The following FHDC1 variants were observed in gnomAD, a reference collection of about 807,000 sequenced individuals.
The protein encoded by FHDC1 is FH2 domain containing 1, also known as FH2 domain-containing protein 1.
FHDC1 carries 25 observed loss-of-function variants against 52.6 expected under a neutral mutation model. The ratio of observed to expected loss-of-function variants is 0.48; its 90% CI spans 0.35 to 0.66. The LOEUF is 0.66. FHDC1 is among the 30% of genes least tolerant of loss of function. The pLI, the probability that FHDC1 is intolerant of heterozygous loss-of-function variation, is 0.01. For synonymous variants in FHDC1, 616 were observed against 581.5 expected (o/e 1.06, Z -0.85); for missense variants, 1,459 against 1,452.8 (o/e 1.00, Z -0.07).
rs1740872776 is a variant in FHDC1, at chr4:152,976,171, G to A, written c.2880G>A (p.Gly960=). The part of the protein sequence containing the change: ...TGAEEQRLPR[G]SSGSSSTRPG... ...CCGAAGAGCAGAGGCTGCCGCGGGGGAGCAGCGGCTCCAGCAGCACCCGTC... is the reference window on the plus strand; with the variant it reads ...CCGAAGAGCAGAGGCTGCCGCGGGGAAGCAGCGGCTCCAGCAGCACCCGTC... The change falls in exon 12 of 12, where the codon GGG becomes GGA. Residue 960 remains glycine (G), a synonymous_variant. Transcript: ENST00000511601. 1 of 1,612,206 alleles carries A rather than the reference G, an allele frequency of 6.2e-7. No individual in the cohort carries two copies. The highest frequency in any genetic ancestry group is 8.5e-7 in the Non-Finnish European group (1 of 1,179,612).
In FHDC1 at chr4:152,943,197, G is replaced by A; in HGVS notation, c.140G>A (p.Cys47Tyr). ...PPPPPPPSPP[C>Y]SCSREECPSS... ...CCTCCACCCCCTCCATCTCCACCAT[G>A]TTCATGTTCAAGGGAAGAGTGTCCT... is the stretch of plus-strand genomic sequence containing the variant. The change falls in exon 2 of 12, where the codon TGT becomes TAT. Residue 47 changes from cysteine to tyrosine, a missense_variant. Transcript: ENST00000511601. The A allele has an allele frequency of 3.7e-6, 6 of 1,610,832 alleles. No homozygotes were observed. The highest frequency in any genetic ancestry group is 5.1e-6 in the Non-Finnish European group (6 of 1,178,970).
chr4:152,965,262 A>G (rs1023042336), intron 9 of FHDC1, among the ~76,000 whole-genome samples: 1 of 152,232 alleles, frequency 6.6e-6, no homozygotes, highest in Non-Finnish European at 1.5e-5. Context: ...CACGCCCAAG[A>G]GATAGAGCTT....
rs746572699 is a variant in FHDC1 at position 152,972,479 on chromosome 4, A to G, written c.1321A>G (p.Lys441Glu). Reference sequence around the variant, plus strand: ...TTTCTGTGAAGACAAAAAAACCATGAAACTGGATGAATGCTTTCAGATATT... The same window carrying G: ...TTTCTGTGAAGACAAAAAAACCATGGAACTGGATGAATGCTTTCAGATATT... ...DFFCEDKKTM[K>E]LDECFQIFRD... Residue 441 changes from lysine to glutamate, a missense_variant, in exon 11 of 12, where the codon AAA (lysine) becomes GAA (glutamate). Physicochemically the swap from Lys to Glu is moderately conservative, Grantham distance 56. Coordinates refer to ENST00000511601, the MANE Select transcript of FHDC1 (RefSeq NM_001371116.1). 3.1e-6 allele frequency: 5 copies of G among 1,613,932 alleles called. No individual in the cohort carries two copies. Among genetic ancestry groups the G allele is most frequent in the Admixed American group, 1.7e-5 (1 of 59,972 alleles).
upstream of FHDC1, among the ~76,000 whole-genome samples, chr4:152,934,910 G>A (rs1188315661): frequency 2.0e-5 from 3 of 152,114 alleles, no homozygotes; most frequent in Non-Finnish European, 4.4e-5. Flanking sequence ...TAACAAGGTC[G>A]ACAGTAAGAG....
chr4:152,938,322 T>G (rs900337714), intron 1 of FHDC1, among the ~76,000 whole-genome samples: 2 of 152,016 alleles, frequency 1.3e-5, no homozygotes, highest in Non-Finnish European at 2.9e-5. Flanking sequence ...TGCTGCAGAT[T>G]GAAGGCGCTT....
upstream of FHDC1, among the ~76,000 whole-genome samples, chr4:152,933,050 T>C (rs1180944170): frequency 1.3e-5 from 2 of 152,352 alleles, no homozygotes; most frequent in African/African-American, 4.8e-5. Flanking sequence ...TACCAGTGCC[T>C]GGTACAGACC....
chr4:152,915,948 T>G, the FHDC1 span, among the ~76,000 whole-genome samples: 1 of 152,146 alleles, frequency 6.6e-6, no homozygotes, highest in Non-Finnish European at 1.5e-5. Flanking sequence ...AATTATACAG[T>G]ATCACGTATT....
chr4:152,920,865 C>A, the FHDC1 span, among the ~76,000 whole-genome samples: 11 of 151,190 alleles, frequency 7.3e-5, no homozygotes, highest in South Asian at 1.0e-3. Context: ...AAAAAAAAAA[C>A]CCAATCTCTA....
At chr4:152,912,140 T>C in the FHDC1 span, 4 of 152,180 alleles carry the variant, frequency 2.6e-5, no homozygotes, top group South Asian at 2.1e-4. Context: ...AATAGTTTCA[T>C]GGATTAATTT....
chr4:152,969,070 C>T (rs1302323820), intron 10 of FHDC1, among the ~76,000 whole-genome samples: 1 of 148,872 alleles, frequency 6.7e-6, no homozygotes, highest in African/African-American at 2.5e-5. Context: ...TGACATACTT[C>T]TTTTATCTTC....
At position 152,962,394 on chromosome 4, in the gene FHDC1, A is replaced by C. The variant is rs192333542; in HGVS notation, c.851-420A>C. On this transcript the variant is annotated intron_variant, in intron 6 of 11. Transcript: ENST00000511601. Reference sequence around the variant, plus strand: ...ACTAAGCAAAACGTTGCTTGCTGTTAGTTTTCATATTCCATAAATGCGGTC... The same window carrying C: ...ACTAAGCAAAACGTTGCTTGCTGTTCGTTTTCATATTCCATAAATGCGGTC... 3.9e-5 allele frequency among the ~76,000 whole-genome samples: 6 copies of C among 152,290 alleles called. No individual in the cohort carries two copies. The East Asian group carries it at 1.2e-3, about 29-fold the overall frequency.
chr4:152,955,457 C>G (rs544677680), intron 4 of FHDC1, among the ~76,000 whole-genome samples: 1 of 152,254 alleles, frequency 6.6e-6, no homozygotes, highest in Admixed American at 6.5e-5. Context: ...AATATAGATT[C>G]TTACAAAGTT....
At chr4:152,964,866 T>C (rs753306517) in intron 8 of FHDC1, 39 bp from the exon 9 acceptor site, 2 of 1,533,700 alleles carry the variant, frequency 1.3e-6, no homozygotes, top group Non-Finnish European at 1.8e-6. Flanking sequence ...CCTTCCAGTT[T>C]TATCAACATA....
chr4:152,922,281 C>T, the FHDC1 span, among the ~76,000 whole-genome samples: 1 of 152,000 alleles, frequency 6.6e-6, no homozygotes, highest in Non-Finnish European at 1.5e-5. Flanking sequence ...TTCCTCGACA[C>T]ATACACCCTC....
intron 11 of FHDC1, among the ~76,000 whole-genome samples, chr4:152,973,140 T>C (rs1418313795): frequency 6.6e-6 from 1 of 152,142 alleles, no homozygotes; most frequent in African/African-American, 2.4e-5. Flanking sequence ...CATCTCTGGG[T>C]TTAATGTAGA....
intron 11 of FHDC1, among the ~76,000 whole-genome samples, chr4:152,973,811 T>C (rs1740750386): frequency 6.6e-6 from 1 of 152,272 alleles, no homozygotes; most frequent in Non-Finnish European, 1.5e-5. Context: ...GACACAAATC[T>C]ATTTAAAGTG....
the FHDC1 span, among the ~76,000 whole-genome samples, chr4:152,913,120 A>G: frequency 6.6e-6 from 1 of 152,192 alleles, no homozygotes; most frequent in Non-Finnish European, 1.5e-5. Flanking sequence ...ATTCCCCTTT[A>G]AATCCTGCCA....
chr4:152,943,604 G>C, intron 2 of FHDC1, 49 bp downstream of exon 2: 2 of 1,556,916 alleles, frequency 1.3e-6, no homozygotes, highest in Non-Finnish European at 1.7e-6. Context: ...GCATTGTTTT[G>C]TGTTTTGGGA....
At chr4:152,939,141 G>A (rs947789836) in intron 1 of FHDC1, among the ~76,000 whole-genome samples, 1 of 152,134 alleles carries the variant, frequency 6.6e-6, no homozygotes, top group Non-Finnish European at 1.5e-5. Context: ...GTGCTGTGGC[G>A]TAATCTCGGC....
Sources: gnomAD v4.1 joint callset for allele counts (sites outside exome capture counted in the v4.1 genomes callset) on GRCh38, gnomAD v4.1.1 for gene constraint, MANE v1.5 for transcripts, NCBI Gene and HGNC (gene_info 2026-07-23, HGNC 2026-07-21) for gene names.